ANO3: variants seen among roughly 807,000 people sequenced by gnomAD.
ANO3 encodes anoctamin 3, also known as anoctamin-3.
In ANO3, 99 loss-of-function variants were observed where a neutral mutation model predicts 144.8. The observed-to-expected ratio is 0.68, with a 90% CI of 0.58 to 0.81. The LOEUF is 0.81. Ranked by LOEUF, ANO3 falls within the 30% of genes least tolerant of loss-of-function variation. The pLI is 0.00. For missense variants in ANO3, 905 were observed against 1,202.2 expected, an observed-to-expected ratio of 0.75 and a Z score of 3.66; for synonymous variants, 414 against 392.6, an observed-to-expected ratio of 1.05 and a Z score of -0.64.
intron 17 of ANO3, among the ~76,000 whole-genome samples, chr11:26,617,999 A>G (rs1852309737): frequency 1.3e-5 from 2 of 152,160 alleles, no homozygotes; most frequent in Admixed American, 6.5e-5. Context: ...ATCAAATGCT[A>G]CCTTTTGTTA....
intron 1 of ANO3, among the ~76,000 whole-genome samples, chr11:26,291,516 C>T (rs1369690579): frequency 6.6e-6 from 1 of 152,158 alleles, no homozygotes; most frequent in Non-Finnish European, 1.5e-5. Context: ...ATGGTCTTTA[C>T]ATTTTGGCAT....
chr11:26,355,282 A>G (rs1319962815), intron 1 of ANO3, among the ~76,000 whole-genome samples: 3 of 152,024 alleles, frequency 2.0e-5, no homozygotes, highest in African/African-American at 7.2e-5. Context: ...CTTTTTTTAC[A>G]TTTATGTAAG....
At chr11:26,549,488 ACT>A (rs1429814452) in intron 12 of ANO3, among the ~76,000 whole-genome samples, 1 of 151,460 alleles carries the variant, frequency 6.6e-6, no homozygotes, top group African/African-American at 2.4e-5. Context: ...ATTTTATTAA[ACT>A]CTTTTTTGCT....
intron 1 of ANO3, among the ~76,000 whole-genome samples, chr11:26,424,306 A>G (rs1407355033): frequency 2.0e-5 from 3 of 148,098 alleles, no homozygotes; most frequent in African/African-American, 5.1e-5. Context: ...TTTTTTTTTC[A>G]TTTTTCACTT....
chr11:26,554,679 G>C (rs1850033595), intron 13 of ANO3, among the ~76,000 whole-genome samples: 5 of 152,040 alleles, frequency 3.3e-5, no homozygotes, highest in Admixed American at 3.3e-4. Flanking sequence ...AGGGCTCCCA[G>C]TGGCTGGTCT....
intron 24 of ANO3, among the ~76,000 whole-genome samples, chr11:26,655,876 A>T (rs1482284193): frequency 1.3e-5 from 2 of 152,198 alleles, no homozygotes; most frequent in Non-Finnish European, 2.9e-5. Flanking sequence ...TGTAGTAACT[A>T]CTTAATAAAC....
At chr11:26,607,710 AT>A (rs1851974851) in intron 17 of ANO3, among the ~76,000 whole-genome samples, 2 of 152,120 alleles carry the variant, frequency 1.3e-5, no homozygotes, top group Non-Finnish European at 2.9e-5. Flanking sequence ...GGTGCATAGA[AT>A]CACTTGGTCG....
intron 1 of ANO3, among the ~76,000 whole-genome samples, chr11:26,363,751 T>G (rs186065766): frequency 6.6e-6 from 1 of 152,236 alleles, no homozygotes. Context: ...TTCCTACATT[T>G]CTTTTATTCA....
intron 3 of ANO3, among the ~76,000 whole-genome samples, chr11:26,455,969 G>A (rs935105247): frequency 6.6e-6 from 1 of 151,474 alleles, no homozygotes; most frequent in African/African-American, 2.4e-5. Flanking sequence ...AACAAGCAAT[G>A]GGGAAAGGAT....
intron 1 of ANO3, among the ~76,000 whole-genome samples, chr11:26,291,164 T>C (rs1243751420): frequency 6.6e-6 from 1 of 152,228 alleles, no homozygotes; most frequent in Non-Finnish European, 1.5e-5. Flanking sequence ...CATTATGTAA[T>C]GGCCTTCTTT....
intron 17 of ANO3, among the ~76,000 whole-genome samples, chr11:26,607,978 G>C (rs72879809): frequency 0.019 from 2,906 of 152,340 alleles, 35 homozygotes; most frequent in Non-Finnish European, 0.028. Flanking sequence ...GCCCTTGCCG[G>C]AGAGGCGTTG....
intron 17 of ANO3, among the ~76,000 whole-genome samples, chr11:26,612,199 G>A (rs899259534): frequency 1.3e-5 from 2 of 151,834 alleles, no homozygotes; most frequent in African/African-American, 4.8e-5. Flanking sequence ...GTCTCTGTTT[G>A]TTTACCTCTG....
chr11:26,468,687 C>A (rs1202327599), intron 4 of ANO3, among the ~76,000 whole-genome samples: 1 of 151,922 alleles, frequency 6.6e-6, no homozygotes, highest in African/African-American at 2.4e-5. Context: ...GTGTATAGGA[C>A]TTAGTATTCT....
At chr11:26,567,073 G>T in intron 14 of ANO3, 1 of 1,506,596 alleles carries the variant, frequency 6.6e-7, no homozygotes, top group Non-Finnish European at 8.9e-7. Context: ...GATGTGGCAA[G>T]AATAGATTGT....
At chr11:26,434,251 T>C (rs529914481) in intron 1 of ANO3, among the ~76,000 whole-genome samples, 1 of 152,278 alleles carries the variant, frequency 6.6e-6, no homozygotes, top group Admixed American at 6.5e-5. Context: ...TTTATTCCTG[T>C]GGGGTCGGTA....
chr11:26,328,026 G>A (rs1023708812), upstream of ANO3, among the ~76,000 whole-genome samples: 4 of 152,106 alleles, frequency 2.6e-5, no homozygotes, highest in African/African-American at 9.7e-5. Context: ...TCTTCAAAAT[G>A]CCATGTGCTC....
chr11:26,500,792 C>T (rs565292870), intron 4 of ANO3, among the ~76,000 whole-genome samples: 2 of 150,618 alleles, frequency 1.3e-5, no homozygotes, highest in Admixed American at 6.6e-5. Flanking sequence ...AAAAAAAAAA[C>T]CACCAAAAAA....
intron 3 of ANO3, among the ~76,000 whole-genome samples, chr11:26,454,838 A>T (rs1859089117): frequency 6.6e-6 from 1 of 151,932 alleles, no homozygotes. Flanking sequence ...AGTACTGGCA[A>T]ACTGAATCCA....
At chr11:26,495,661 T>C (rs1275923485) in intron 4 of ANO3, among the ~76,000 whole-genome samples, 3 of 152,286 alleles carry the variant, frequency 2.0e-5, no homozygotes, top group Admixed American at 6.5e-5. Context: ...ATTCTTGTCT[T>C]GTTGATAGAG....
Sources: allele counts gnomAD v4.1 joint callset (sites outside exome capture counted in the v4.1 genomes callset), GRCh38; gene constraint gnomAD v4.1.1; transcripts MANE v1.5; gene names NCBI Gene and HGNC (gene_info 2026-07-23, HGNC 2026-07-21).